HEPACAM: variants seen among roughly 807,000 people sequenced by gnomAD.
HEPACAM encodes hepatic and glial cell adhesion molecule.
In HEPACAM, 18 loss-of-function variants were observed where a neutral mutation model predicts 38.3. The ratio of observed to expected loss-of-function variants is 0.47; its 90% confidence interval spans 0.33 to 0.70. HEPACAM has a LOEUF of 0.70. HEPACAM is among the 30% of genes least tolerant of loss of function. The probability of loss-of-function intolerance (pLI) is 0.03; values close to 1 mark genes in which losing one functional copy is unlikely to be tolerated. For synonymous variants in HEPACAM, 216 were observed against 243.1 expected (o/e 0.89, Z 1.04); for missense variants, 466 against 563.0 (o/e 0.83, Z 1.74).
rs556011181 is a variant in HEPACAM, at chr11:124,928,053, A to C, written c.86-2984T>G. On this transcript the variant is annotated intron_variant, in intron 1 of 6. Coordinates refer to ENST00000298251, the MANE Select transcript of HEPACAM (RefSeq NM_152722.5). ...ACTATTTTCAGACTTTTAAAAATTA[A>C]TGATACTTTCTTCCCACAAAATCTT... Among the ~76,000 whole-genome samples, 11 of 152,364 alleles carry C rather than the reference A, an allele frequency of 7.2e-5. No homozygotes were observed. In the East Asian group the frequency reaches 2.1e-3, roughly 29 times the overall value.
intron 1 of HEPACAM, among the ~76,000 whole-genome samples, chr11:124,929,932 A>G (rs577013803): frequency 2.6e-5 from 4 of 152,196 alleles, no homozygotes; most frequent in East Asian, 1.9e-4. Context: ...AAAAGTGTCA[A>G]TGGGGGTAGT....
intron 6 of HEPACAM, 56 bp downstream of exon 6, chr11:124,922,332 G>T: frequency 1.3e-6 from 2 of 1,486,176 alleles, no homozygotes; most frequent in Non-Finnish European, 1.9e-6. Flanking sequence ...CCTAGCATCA[G>T]GCATGTGGGA....
chr11:124,930,764 A>G (rs532863476), intron 1 of HEPACAM, among the ~76,000 whole-genome samples: 1 of 152,362 alleles, frequency 6.6e-6, no homozygotes, highest in South Asian at 2.1e-4. Flanking sequence ...CAGGGAGAAA[A>G]GTGCTTTTCA....
intron 1 of HEPACAM, among the ~76,000 whole-genome samples, chr11:124,927,646 G>A (rs1365922433): frequency 6.6e-6 from 1 of 151,866 alleles, no homozygotes; most frequent in Non-Finnish European, 1.5e-5. Context: ...TGGGATTACA[G>A]GCGTGGGCCA....
chr11:124,919,402 T>A lies in HEPACAM; in HGVS notation c.*1736A>T, dbSNP rs1350978002. ...ATTTAAGGCAGATTTGGCTTAAGCCTGGCAAGCTGGCCCCTCAGGGATTCA... is the reference window on the plus strand; with the variant it reads ...ATTTAAGGCAGATTTGGCTTAAGCCAGGCAAGCTGGCCCCTCAGGGATTCA... On this transcript the variant is annotated 3_prime_UTR_variant, in exon 7 of 7. Coordinates refer to ENST00000298251, the MANE Select transcript of HEPACAM (RefSeq NM_152722.5). 8 of 268,764 alleles carry A rather than the reference T, an allele frequency of 3.0e-5. No homozygotes were observed. The East Asian group carries it at 6.4e-4, about 22-fold the overall frequency. The allele number at this position is 268,764 out of a possible 1,614,324, so 16.6% of individuals were successfully genotyped here.
At chr11:124,934,182 C>T (rs979336794) in intron 1 of HEPACAM, among the ~76,000 whole-genome samples, 25 of 152,090 alleles carry the variant, frequency 1.6e-4, no homozygotes, top group Non-Finnish European at 3.2e-4. Context: ...CACAGCAATC[C>T]TCCTTCCCTT....
rs1227131662 is a variant in HEPACAM at position 124,935,946 on chromosome 11, C to T, written c.61G>A (p.Val21Ile). 6.2e-7 allele frequency: 1 copy of T among 1,614,054 alleles called. No homozygotes were observed. The highest frequency in any genetic ancestry group is 1.1e-5 in the South Asian group (1 of 91,082). The change falls in exon 1 of 7, where the codon GTC (valine) becomes ATC (isoleucine). Residue 21 changes from valine to isoleucine, a missense_variant. Physicochemically the swap from Val to Ile is conservative, Grantham distance 29. Transcript: ENST00000298251. ...CCTGTCTGGATCAGAAGAAGGTAGA[C>T]AAAAGGAGCAAGGCGCAGGGCCCTG... is the stretch of plus-strand genomic sequence containing the variant. ...ASRALRLAPF[V>I]YLLLIQTDPL...
chr11:124,933,005 G>C (rs1037147130), intron 1 of HEPACAM, among the ~76,000 whole-genome samples: 1 of 152,006 alleles, frequency 6.6e-6, no homozygotes, highest in Non-Finnish European at 1.5e-5. Flanking sequence ...GGAATTTATT[G>C]GTCCCAGAAG....
In HEPACAM at chr11:124,920,606, C is replaced by T; in HGVS notation, c.*532G>A. 1 of 1,096,836 alleles carries T rather than the reference C, an allele frequency of 9.1e-7. No individual in the cohort carries two copies. Among genetic ancestry groups the T allele is most frequent in the South Asian group, 3.0e-5 (1 of 33,642 alleles). The allele number at this position is 1,096,836 out of a possible 1,614,324, so 67.9% of individuals were successfully genotyped here. A position where few individuals can be genotyped will look rare whatever the true frequency, so the allele number is the denominator to read the frequency against. ...AGAACAGCCCCTGCACACCCAGTAA[C>T]CGGCATCTGGCTTCTCCTTAGCTTA... is the stretch of plus-strand genomic sequence containing the variant. On this transcript the variant is annotated 3_prime_UTR_variant, in exon 7 of 7. Transcript: ENST00000298251.
chr11:124,924,520 G>A lies in HEPACAM; in HGVS notation c.427+208C>T. On this transcript the variant is annotated intron_variant, in intron 2 of 6. Coordinates refer to ENST00000298251, the MANE Select transcript of HEPACAM (RefSeq NM_152722.5). This position sits in a 1 kb window ranked among gnomAD's most constrained non-coding sequence, Gnocchi z 4.4. ...CATTAAATGAGTCAACATATGCAAA[G>A]CACTTAGAATAGTTTCTGGCACATG... 1 of 639,566 alleles carries A rather than the reference G, an allele frequency of 1.6e-6. No homozygotes were observed. The highest frequency in any genetic ancestry group is 1.8e-5 in the South Asian group (1 of 56,482). The allele number at this position is 639,566 out of a possible 1,614,324, so 39.6% of individuals were successfully genotyped here. A position where few individuals can be genotyped will look rare whatever the true frequency, so the allele number is the denominator to read the frequency against.
chr11:124,934,584 T>C (rs1947320287), intron 1 of HEPACAM, among the ~76,000 whole-genome samples: 2 of 151,714 alleles, frequency 1.3e-5, no homozygotes. Context: ...TACCAGAAGC[T>C]AGGAGAGAAC....
chr11:124,919,952 AGGCGGTGGCATGGGCATGTCCT>A lies in HEPACAM; in HGVS notation c.*1164_*1185del. The A allele has an allele frequency of 6.2e-7, 1 of 1,613,832 alleles. No homozygotes were observed. The highest frequency in any genetic ancestry group is 8.5e-7 in the Non-Finnish European group (1 of 1,180,004). ...CTGCCACTCCTATGAACTGTTCAAT[AGGCGGTGGCATGGGCATGTCCT>A]GGCTACACAGCGGCCCAGCCTCTTT... On this transcript the variant is annotated 3_prime_UTR_variant, in exon 7 of 7. Coordinates refer to ENST00000298251, the MANE Select transcript of HEPACAM (RefSeq NM_152722.5).
At chr11:124,929,154 A>C (rs1947253467) in intron 1 of HEPACAM, among the ~76,000 whole-genome samples, 1 of 152,138 alleles carries the variant, frequency 6.6e-6, no homozygotes, top group Non-Finnish European at 1.5e-5. Context: ...CCAAAGTCCT[A>C]GTAGCCTTTT....
At chr11:124,922,661 C>T (rs868746989) in intron 5 of HEPACAM, 84 bp downstream of exon 5, 1 of 1,614,140 alleles carries the variant, frequency 6.2e-7, no homozygotes, top group Non-Finnish European at 8.5e-7. Flanking sequence ...GAGCTGTTTT[C>T]CTTGTCGCCC....
At chr11:124,926,924 A>C (rs1329882104) in intron 1 of HEPACAM, among the ~76,000 whole-genome samples, 2 of 152,122 alleles carry the variant, frequency 1.3e-5, no homozygotes, top group African/African-American at 4.8e-5. Flanking sequence ...GCTGGAGTGC[A>C]GTGGCACAAT....
At position 124,920,305 on chromosome 11, in the gene HEPACAM, T is replaced by C; in HGVS notation, c.*833A>G. ...AAACAGTTCCTCATTTGGTCTAGTT[T>C]TCGGGCCAGGGGAGTAAGTGAAATT... On this transcript the variant is annotated 3_prime_UTR_variant, in exon 7 of 7. Coordinates refer to ENST00000298251, the MANE Select transcript of HEPACAM (RefSeq NM_152722.5). The C allele has an allele frequency of 1.6e-6, 2 of 1,282,928 alleles. No individual in the cohort carries two copies. Among genetic ancestry groups the C allele is most frequent in the Non-Finnish European group, 2.2e-6 (2 of 929,214 alleles). 79.5% of individuals were successfully genotyped at this position (1,282,928 alleles called of 1,614,324 possible).
rs372209719 is a variant in HEPACAM at position 124,924,709 on chromosome 11, C to T, written c.427+19G>A. 3.5e-5 allele frequency: 56 copies of T among 1,607,480 alleles called. No homozygotes were observed. The highest frequency in any genetic ancestry group is 4.1e-5 in the Non-Finnish European group (48 of 1,173,988). On this transcript the variant is annotated intron_variant, in intron 2 of 6. Coordinates refer to ENST00000298251, the MANE Select transcript of HEPACAM (RefSeq NM_152722.5). This position sits in a 1 kb window ranked among gnomAD's most constrained non-coding sequence, Gnocchi z 4.4. ...TCCCACCTGCCAGTCTTGCCTCTTTCCCTGCCAGAGCGCTTTACCATCTAC... is the reference window on the plus strand; with the variant it reads ...TCCCACCTGCCAGTCTTGCCTCTTTTCCTGCCAGAGCGCTTTACCATCTAC...
Position 124,919,746 on chromosome 11 carries a change from A to T in HEPACAM, c.*1392T>A, listed in dbSNP as rs1409117768. The T allele has an allele frequency of 6.2e-7, 1 of 1,613,142 alleles. No homozygotes were observed. Among genetic ancestry groups the T allele is most frequent in the Admixed American group, 1.7e-5 (1 of 60,008 alleles). ...TGAGACAAAACTTGACCTGGTGTGG[A>T]GGTGATGGGTAACTGGGGCCTTGGA... is the stretch of plus-strand genomic sequence containing the variant. On this transcript the variant is annotated 3_prime_UTR_variant, in exon 7 of 7. Transcript: ENST00000298251.
At position 124,923,814 on chromosome 11, in the gene HEPACAM, G is replaced by C. The variant is rs1215708604; in HGVS notation, c.624C>G (p.Leu208=). ...AGCTGTACAGGTCGTCATCCTCCAT[G>C]AGCACGCGGGTGATGGTGAGCACCT... The part of the protein sequence containing the change: ...DQKVLTITRV[L]MEDDDLYSCM... The change falls in exon 3 of 7, where the codon CTC becomes CTG. Residue 208 remains leucine, a synonymous_variant. Coordinates refer to ENST00000298251, the MANE Select transcript of HEPACAM (RefSeq NM_152722.5). 1 of 1,614,230 alleles carries C rather than the reference G, an allele frequency of 6.2e-7. No homozygotes were observed.
Sources: gnomAD v4.1 joint callset for allele counts (sites outside exome capture counted in the v4.1 genomes callset) on GRCh38, gnomAD v4.1.1 for gene constraint, Gnocchi (gnomAD v3.1) non-coding constraint, MANE v1.5 for transcripts, NCBI Gene and HGNC (gene_info 2026-07-23, HGNC 2026-07-21) for gene names.